The following SLTM variants were observed in gnomAD, a reference collection of about 807,000 sequenced individuals.
SLTM encodes the protein SAFB-like transcription modulator.
In SLTM, 43 loss-of-function variants were observed where a neutral mutation model predicts 134.6. The observed-to-expected ratio is 0.32, with a 90% confidence interval of 0.25 to 0.41. SLTM has a LOEUF of 0.41. Ranked by LOEUF, SLTM falls within the 10% of genes least tolerant of loss-of-function variation. SLTM has a pLI of 1.00. For synonymous variants in SLTM, 424 were observed against 432.3 expected (o/e 0.98, Z 0.24); for missense variants, 1,055 against 1,288.8 (o/e 0.82, Z 2.78).
At chr15:58,921,650 A>T (rs775535932) in intron 2 of SLTM, 4 of 359,492 alleles carry the variant, frequency 1.1e-5, no homozygotes, top group Non-Finnish European at 2.3e-5. Flanking sequence ...TGATAGATAC[A>T]TAGTATTCAA....
chr15:58,886,575 G>A (rs752094343), intron 19 of SLTM, among the ~76,000 whole-genome samples: 8 of 152,096 alleles, frequency 5.3e-5, no homozygotes, highest in African/African-American at 1.2e-4. Context: ...CACCATGCCC[G>A]GCCAAGAATA....
chr15:58,899,240 A>C lies in SLTM; in HGVS notation c.1058+229T>G. ...AAAAACAAAAAACAAAAAACAACAA[A>C]AAAACCAAATATATGCTGACATTCG... On this transcript the variant is annotated intron_variant, in intron 7 of 20. Transcript: ENST00000380516. The surrounding 1 kb of genome is among the most constrained non-coding windows in gnomAD (Gnocchi z 5.0). 1 of 479,424 alleles carries C rather than the reference A, an allele frequency of 2.1e-6. No individual in the cohort carries two copies. The highest frequency in any genetic ancestry group is 3.8e-5 in the Admixed American group (1 of 26,190). 29.7% of individuals were successfully genotyped at this position (479,424 alleles called of 1,614,324 possible). A position where few individuals can be genotyped will look rare whatever the true frequency, so the allele number is the denominator to read the frequency against.
intron 5 of SLTM, among the ~76,000 whole-genome samples, chr15:58,902,364 G>A (rs558528004): frequency 4.0e-5 from 6 of 149,226 alleles, no homozygotes; most frequent in Non-Finnish European, 8.9e-5. Context: ...AAACCACTAC[G>A]CTTGGCTTAA....
Position 58,888,512 on chromosome 15 carries a change from C to T in SLTM, c.2248G>A (p.Asp750Asn). ...CCATGGCCAAATCGTGCATCTGTATCTAGAGACAACTTTTTATTCTCGCTC... is the reference window on the plus strand; with the variant it reads ...CCATGGCCAAATCGTGCATCTGTATTTAGAGACAACTTTTTATTCTCGCTC... ...YWSENKKLSL[D>N]TDARFGHGSD... The change falls in exon 17 of 21, where the codon GAT becomes AAT. Residue 750 changes from aspartate (D) to asparagine (N), a missense_variant. This residue lies in a region of SLTM where 776 missense variants were observed against 962.2 expected (regional missense o/e 0.81). Transcript: ENST00000380516. The T allele has an allele frequency of 6.2e-7, 1 of 1,613,958 alleles. No individual in the cohort carries two copies. The highest frequency in any genetic ancestry group is 8.5e-7 in the Non-Finnish European group (1 of 1,179,998).
chr15:58,931,167 T>G (rs1258493589), intron 2 of SLTM, among the ~76,000 whole-genome samples: 3 of 152,208 alleles, frequency 2.0e-5, no homozygotes, highest in Non-Finnish European at 4.4e-5. Context: ...ATACAGAAAA[T>G]GTATCTCTCA....
Position 58,888,369 on chromosome 15 carries a change from T to G in SLTM, c.2375+16A>C. The G allele has an allele frequency of 6.4e-7, 1 of 1,568,896 alleles. No homozygotes were observed. Among genetic ancestry groups the G allele is most frequent in the Non-Finnish European group, 8.6e-7 (1 of 1,161,676 alleles). On this transcript the variant is annotated intron_variant, in intron 17 of 20. Coordinates refer to ENST00000380516, the MANE Select transcript of SLTM (RefSeq NM_024755.4). ...AAGGCTCATAAAATAAATATAACAA[T>G]TTTCAACATATCTACCTTTCAAAAG...
intron 2 of SLTM, among the ~76,000 whole-genome samples, chr15:58,919,394 G>A (rs2036866327): frequency 6.6e-6 from 1 of 152,108 alleles, no homozygotes; most frequent in East Asian, 1.9e-4. Context: ...CATGAGTTGA[G>A]ACCAGCCCAG....
intron 3 of SLTM, among the ~76,000 whole-genome samples, chr15:58,916,418 C>T (rs970274468): frequency 3.9e-5 from 6 of 152,188 alleles, no homozygotes; most frequent in African/African-American, 1.4e-4. Context: ...AAGTGATCCG[C>T]CCGCCTAGAC....
chr15:58,901,310 A>G (rs1422167431), intron 5 of SLTM, 23 bp from the exon 6 acceptor site: 1 of 1,587,866 alleles, frequency 6.3e-7, no homozygotes, highest in Non-Finnish European at 8.6e-7. Flanking sequence ...GAATAATCAA[A>G]TGTAAAATGA....
intron 2 of SLTM, among the ~76,000 whole-genome samples, chr15:58,920,245 G>C (rs749023193): frequency 2.6e-5 from 4 of 151,798 alleles, no homozygotes; most frequent in Admixed American, 6.6e-5. Context: ...CACTTGAACC[G>C]GGGAAGTGGA....
intron 9 of SLTM, among the ~76,000 whole-genome samples, chr15:58,895,360 A>G (rs567087496): frequency 2.1e-4 from 32 of 152,350 alleles, no homozygotes; most frequent in South Asian, 2.1e-4. Context: ...TTGAAAGACA[A>G]CACTTTCAAT....
intron 2 of SLTM, among the ~76,000 whole-genome samples, chr15:58,919,071 A>C (rs1388164058): frequency 6.6e-6 from 1 of 151,980 alleles, no homozygotes; most frequent in Non-Finnish European, 1.5e-5. Context: ...GCTACCATAC[A>C]TGGCTAATGT....
chr15:58,890,670 A>C (rs2034579106), intron 14 of SLTM, among the ~76,000 whole-genome samples: 1 of 152,202 alleles, frequency 6.6e-6, no homozygotes, highest in Non-Finnish European at 1.5e-5. Flanking sequence ...CTGTCAACTG[A>C]GCAGCTAAAT....
intron 16 of SLTM, 25 bp downstream of exon 16, chr15:58,889,405 G>A (rs2034489087): frequency 1.2e-6 from 2 of 1,612,722 alleles, no homozygotes; most frequent in Non-Finnish European, 1.7e-6. Context: ...AAGGTTAACT[G>A]TTAAGGAATA....
At chr15:58,894,633 A>G in intron 9 of SLTM, 51 bp from the exon 10 acceptor site, 1 of 1,544,164 alleles carries the variant, frequency 6.5e-7, no homozygotes, top group East Asian at 2.2e-5. Context: ...CCAAGTACAC[A>G]GACTTCTAAA....
intron 2 of SLTM, among the ~76,000 whole-genome samples, chr15:58,926,046 ATG>A (rs1219656961): frequency 1.3e-5 from 2 of 152,232 alleles, no homozygotes; most frequent in Non-Finnish European, 2.9e-5. Context: ...CTTCAGGTGT[ATG>A]TAAGAATCAC....
intron 5 of SLTM, among the ~76,000 whole-genome samples, chr15:58,909,449 T>C (rs541202340): frequency 1.3e-5 from 2 of 152,344 alleles, no homozygotes; most frequent in South Asian, 4.1e-4. Context: ...ACATATATCC[T>C]GGCTTTCCTG....
chr15:58,927,431 A>G (rs1021768148), intron 2 of SLTM, among the ~76,000 whole-genome samples: 6 of 152,052 alleles, frequency 3.9e-5, no homozygotes, highest in Admixed American at 2.6e-4. Context: ...CACCATGCCC[A>G]GCTAATTTTT....
Position 58,898,860 on chromosome 15 carries a change from G to A in SLTM, c.1059-8C>T. 2 of 1,602,676 alleles carry A rather than the reference G, an allele frequency of 1.2e-6. No individual in the cohort carries two copies. Among genetic ancestry groups the A allele is most frequent in the Non-Finnish European group, 1.7e-6 (2 of 1,174,746 alleles). ...TTAGATTCCTTTGAAGAGCTAAAGA[G>A]GCAAATCACCAGAAGAAAATTGAAA... is the stretch of plus-strand genomic sequence containing the variant. On this transcript the variant is annotated splice_region_variant and splice_polypyrimidine_tract_variant and intron_variant, in intron 7 of 20. Coordinates refer to ENST00000380516, the MANE Select transcript of SLTM (RefSeq NM_024755.4).
Sources: gnomAD v4.1 joint callset for allele counts (sites outside exome capture counted in the v4.1 genomes callset) on GRCh38, gnomAD v4.1.1 for gene constraint, gnomAD v4.1.1 regional missense constraint, Gnocchi (gnomAD v3.1) non-coding constraint, MANE v1.5 for transcripts, NCBI Gene and HGNC (gene_info 2026-07-23, HGNC 2026-07-21) for gene names.